Variants in VSIG10L2 observed in about 807,000 individuals in gnomAD.
VSIG10L2 encodes V-set and immunoglobulin domain-containing protein 10-like 2.
A neutral mutation model predicts 67.1 loss-of-function variants in VSIG10L2; 56 were observed. That is an observed-to-expected ratio of 0.83 (90% CI 0.67 to 1.04). VSIG10L2 has a LOEUF of 1.04. VSIG10L2 is among the 50% of genes least tolerant of loss of function. VSIG10L2 has a pLI of 0.00. For missense variants in VSIG10L2, 843 were observed against 932.8 expected (o/e 0.90, Z 1.25); for synonymous variants, 360 against 396.6 (o/e 0.91, Z 1.10).
At chr11:125,954,038 C>A (rs1945415952) in intron 7 of VSIG10L2, 49 bp from the exon 8 acceptor site, 1 of 1,221,904 alleles carries the variant, frequency 8.2e-7, no homozygotes. Flanking sequence ...CACAAGGTCA[C>A]GTGGTTGTAG....
At chr11:125,949,724 G>A (rs892291513) in intron 3 of VSIG10L2, among the ~76,000 whole-genome samples, 1 of 152,158 alleles carries the variant, frequency 6.6e-6, no homozygotes, top group Non-Finnish European at 1.5e-5. Flanking sequence ...TCAGGCACAT[G>A]GGAAGCATTG....
intron 5 of VSIG10L2, 118 bp downstream of exon 5, chr11:125,951,276 C>T: frequency 1.0e-6 from 1 of 1,003,924 alleles, no homozygotes; most frequent in Non-Finnish European, 1.3e-6. Flanking sequence ...GGCTCCAAAA[C>T]ACGCCATGTA....
intron 2 of VSIG10L2, 82 bp from the exon 3 acceptor site, chr11:125,948,223 C>T: frequency 8.1e-7 from 1 of 1,231,800 alleles, no homozygotes; most frequent in Middle Eastern, 3.1e-4. Flanking sequence ...AGTCCCCAGC[C>T]AGCAGGGGTG....
At chr11:125,953,930 A>G (rs935516627) in intron 7 of VSIG10L2, among the ~76,000 whole-genome samples, 157 bp from the exon 8 acceptor site, 1 of 152,214 alleles carries the variant, frequency 6.6e-6, no homozygotes, top group East Asian at 1.9e-4. Context: ...GATGAAAAAA[A>G]CTGATGGGAC....
rs1443848221 is a variant in VSIG10L2 at position 125,946,823 on chromosome 11, C to A, written c.82+686C>A. Among the ~76,000 whole-genome samples, 1 of 152,220 alleles carries A rather than the reference C, an allele frequency of 6.6e-6. No individual in the cohort carries two copies. The highest frequency in any genetic ancestry group is 1.5e-5 in the Non-Finnish European group (1 of 68,028). On this transcript the variant is annotated intron_variant, in intron 1 of 11. Coordinates refer to ENST00000686984, the MANE Select transcript of VSIG10L2 (RefSeq NM_001365077.2). This position sits in a 1 kb window ranked among gnomAD's most constrained non-coding sequence, Gnocchi z 4.4. ...AGAGTGCTGGGATTACAGGCCTGAG[C>A]CACTGAGCCCGGCCCCAGAGACTTA...
intron 8 of VSIG10L2, 32 bp downstream of exon 8, chr11:125,954,415 T>A: frequency 8.1e-7 from 1 of 1,231,850 alleles, no homozygotes; most frequent in Middle Eastern, 3.1e-4. Flanking sequence ...GGACCCACCT[T>A]TTCTCCAAAG....
chr11:125,946,122 C>T lies in VSIG10L2; in HGVS notation c.67C>T (p.His23Tyr), dbSNP rs1033876353. 5 of 398,970 alleles carry T rather than the reference C, an allele frequency of 1.3e-5. No individual in the cohort carries two copies. Among genetic ancestry groups the T allele is most frequent in the African/African-American group, 1.0e-4 (5 of 48,616 alleles). 24.7% of individuals were successfully genotyped at this position (398,970 alleles called of 1,614,324 possible). Residue 23 changes from histidine (H) to tyrosine (Y), a missense_variant, in exon 1 of 12, where the codon CAC (histidine) becomes TAC (tyrosine). His to Tyr is a moderately conservative substitution (Grantham distance 83, BLOSUM62 2). This residue lies in a region of VSIG10L2 where 446 missense variants were observed against 548.4 expected (regional missense o/e 0.81). Transcript: ENST00000686984. This position sits in a 1 kb window ranked among gnomAD's most constrained non-coding sequence, Gnocchi z 4.4. ...LLLLIHLCLL[H>Y]LRASGQPHPT... ...GCTGCTGATACACCTCTGCCTTCTG[C>T]ACCTGAGGGCCTCAGGTGAGTGATA... is the stretch of plus-strand genomic sequence containing the variant.
chr11:125,949,406 C>T (rs1048403906), intron 3 of VSIG10L2, among the ~76,000 whole-genome samples: 2 of 152,192 alleles, frequency 1.3e-5, no homozygotes, highest in African/African-American at 2.4e-5. Flanking sequence ...TCCTATTTAT[C>T]GGTCTTCACC....
At position 125,950,340 on chromosome 11, in the gene VSIG10L2, G is replaced by A. The variant is rs538979017; in HGVS notation, c.985+51G>A. On this transcript the variant is annotated intron_variant, in intron 4 of 11. Transcript: ENST00000686984. The stretch of plus-strand genomic sequence containing the variant: ...CAGACCTGTCCTGGGGACAACTCAC[G>A]CTGGAGCCTTTGTGGGGCTGTTCTG... 5.7e-6 allele frequency: 7 copies of A among 1,231,750 alleles called. No homozygotes were observed. The East Asian group carries it at 1.6e-4, about 28-fold the overall frequency. 76.3% of individuals were successfully genotyped at this position (1,231,750 alleles called of 1,614,324 possible).
chr11:125,946,812 A>ACT lies in VSIG10L2; in HGVS notation c.82+676_82+677insTC, dbSNP rs1945307801. 6.6e-6 allele frequency among the ~76,000 whole-genome samples: 1 copy of ACT among 152,170 alleles called. No homozygotes were observed. Among genetic ancestry groups the ACT allele is most frequent in the African/African-American group, 2.4e-5 (1 of 41,450 alleles). On this transcript the variant is annotated intron_variant, in intron 1 of 11. Transcript: ENST00000686984. This position sits in a 1 kb window ranked among gnomAD's most constrained non-coding sequence, Gnocchi z 4.4. The stretch of plus-strand genomic sequence containing the variant: ...CTCAGCCTCCCAGAGTGCTGGGATT[A>ACT]CAGGCCTGAGCCACTGAGCCCGGCC...
chr11:125,950,980 G>A lies in VSIG10L2; in HGVS notation c.1056G>A (p.Trp352Ter), dbSNP rs559035511. ...AGGCTGTGACCCTGCTCTGTGCCTG[G>A]CCTGGGGGGCTTCCGCCTGCCCAAC... is the stretch of plus-strand genomic sequence containing the variant. ...SPEAVTLLCAWPGGLPPAQLQ... is the reference protein window; with the variant it reads ...SPEAVTLLCA Residue 352 changes from tryptophan (W) to a stop codon, truncating the protein, a stop_gained, in exon 5 of 12, where the codon TGG becomes TGA. Transcript: ENST00000686984. LOFTEE classifies it high-confidence loss of function. 1.6e-6 allele frequency: 2 copies of A among 1,232,396 alleles called. No homozygotes were observed. The highest frequency in any genetic ancestry group is 6.3e-5 in the East Asian group (2 of 31,692). 76.3% of individuals were successfully genotyped at this position (1,232,396 alleles called of 1,614,324 possible).
intron 8 of VSIG10L2, 123 bp downstream of exon 8, chr11:125,954,506 T>G: frequency 2.4e-5 from 19 of 776,936 alleles, no homozygotes; most frequent in Non-Finnish European, 1.7e-5. Context: ...AATTCTCCCA[T>G]CCCCAGCCCG....
At chr11:125,954,483 T>C (rs1945423377) in intron 8 of VSIG10L2, 100 bp downstream of exon 8, 4 of 1,042,556 alleles carry the variant, frequency 3.8e-6, no homozygotes, top group Non-Finnish European at 4.9e-6. Context: ...CTTCCTTTGC[T>C]CGCATCCTAC....
chr11:125,951,904 C>T lies in VSIG10L2; in HGVS notation c.1326C>T (p.Pro442=). ...MLSCEWPGGE[P]PATLGWLDEQ... ...GCTGCGAGTGGCCTGGCGGCGAGCCCCCTGCCACGCTGGGCTGGCTTGACG... is the reference window on the plus strand; with the variant it reads ...GCTGCGAGTGGCCTGGCGGCGAGCCTCCTGCCACGCTGGGCTGGCTTGACG... The change falls in exon 6 of 12, where the codon CCC becomes CCT. Residue 442 remains proline, a synonymous_variant. Transcript: ENST00000686984. 1 of 1,535,628 alleles carries T rather than the reference C, an allele frequency of 6.5e-7. No homozygotes were observed. The highest frequency in any genetic ancestry group is 8.7e-7 in the Non-Finnish European group (1 of 1,146,596).
At chr11:125,954,510 C>G in intron 8 of VSIG10L2, 127 bp downstream of exon 8, 1 of 761,782 alleles carries the variant, frequency 1.3e-6, no homozygotes, top group Non-Finnish European at 1.8e-6. Flanking sequence ...CTCCCATCCC[C>G]AGCCCGTCCT....
In VSIG10L2 at chr11:125,951,120, C is replaced by T; in HGVS notation, c.1196C>T (p.Pro399Leu). The change falls in exon 5 of 12, where the codon CCA becomes CTA. Residue 399 changes from proline to leucine, a missense_variant. By Grantham distance (98) the Pro-to-Leu change is moderately conservative (BLOSUM62 -3). This residue lies in a region of VSIG10L2 where 446 missense variants were observed against 548.4 expected (regional missense o/e 0.81). Transcript: ENST00000686984. ...GSVFTCTGQH[P>L]ALAPPALCTV... ...GTCTTCACCTGCACTGGCCAGCACC[C>T]AGCCCTGGCACCGCCTGCCCTCTGC... 1 of 1,233,012 alleles carries T rather than the reference C, an allele frequency of 8.1e-7. No individual in the cohort carries two copies. The highest frequency in any genetic ancestry group is 1.0e-6 in the Non-Finnish European group (1 of 988,650). The allele number at this position is 1,233,012 out of a possible 1,614,324, so 76.4% of individuals were successfully genotyped here. A position where few individuals can be genotyped will look rare whatever the true frequency, so the allele number is the denominator to read the frequency against.
chr11:125,955,764 T>C (rs1332122863), intron 11 of VSIG10L2, 53 bp from the exon 12 acceptor site: 5 of 1,058,454 alleles, frequency 4.7e-6, no homozygotes, highest in Admixed American at 2.0e-5. Flanking sequence ...CTGGGAACAC[T>C]TGGACACTCC....
chr11:125,953,758 T>C (rs1945411037), intron 7 of VSIG10L2, 68 bp downstream of exon 7: 2 of 1,220,152 alleles, frequency 1.6e-6, no homozygotes, highest in African/African-American at 3.1e-5. Flanking sequence ...CACAGAGTGC[T>C]TTAAGTGGAA....
rs1945421961 is a variant in VSIG10L2 at position 125,954,391 on chromosome 11, C to T, written c.2083+8C>T. 7 of 1,232,208 alleles carry T rather than the reference C, an allele frequency of 5.7e-6. No individual in the cohort carries two copies. Among genetic ancestry groups the T allele is most frequent in the East Asian group, 3.2e-5 (1 of 31,698 alleles). 76.3% of individuals were successfully genotyped at this position (1,232,208 alleles called of 1,614,324 possible). ...CTGAGGTGAAGATACCAGGTGCCAGCTAATGCCAGGGAGGGACCCACCTTT... is the reference window on the plus strand; with the variant it reads ...CTGAGGTGAAGATACCAGGTGCCAGTTAATGCCAGGGAGGGACCCACCTTT... On this transcript the variant is annotated splice_region_variant and intron_variant, in intron 8 of 11. Coordinates refer to ENST00000686984, the MANE Select transcript of VSIG10L2 (RefSeq NM_001365077.2).
Sources: gnomAD v4.1 joint callset for allele counts (sites outside exome capture counted in the v4.1 genomes callset) on GRCh38, gnomAD v4.1.1 for gene constraint, gnomAD v4.1.1 regional missense constraint, Gnocchi (gnomAD v3.1) non-coding constraint, MANE v1.5 for transcripts, NCBI Gene and HGNC (gene_info 2026-07-23, HGNC 2026-07-21) for gene names.